Variants in GREB1L observed in about 807,000 individuals in gnomAD.
The protein encoded by GREB1L is GREB1 like retinoic acid receptor coactivator, also known as GREB1-like protein.
GREB1L carries 17 observed loss-of-function variants against 200.8 expected under a neutral mutation model. That is an observed-to-expected ratio of 0.08 (90% CI 0.06 to 0.13). The LOEUF (loss-of-function observed/expected upper bound fraction) is 0.13. GREB1L is among the 10% of genes least tolerant of loss of function. The pLI is 1.00. For synonymous variants in GREB1L, 789 were observed against 893.0 expected, an observed-to-expected ratio of 0.88 and a Z score of 2.08; for missense variants, 1,657 against 2,367.7, an observed-to-expected ratio of 0.70 and a Z score of 6.23.
At chr18:21,290,503 T>C (rs2038429791) in intron 1 of GREB1L, among the ~76,000 whole-genome samples, 1 of 152,192 alleles carries the variant, frequency 6.6e-6, no homozygotes, top group Admixed American at 6.5e-5. Flanking sequence ...GATTTGGGTT[T>C]TTCCCCCCAA....
intron 17 of GREB1L, among the ~76,000 whole-genome samples, chr18:21,478,025 T>C (rs2035775538): frequency 6.6e-6 from 1 of 152,252 alleles, no homozygotes; most frequent in South Asian, 2.1e-4. Context: ...CTTCATATGA[T>C]TAATTTCACC....
At chr18:21,376,595 G>T (rs2040081771) in intron 2 of GREB1L, among the ~76,000 whole-genome samples, 1 of 151,374 alleles carries the variant, frequency 6.6e-6, no homozygotes. Context: ...ACGAGGTCCG[G>T]AGATGGAGAC....
intron 1 of GREB1L, among the ~76,000 whole-genome samples, chr18:21,253,932 G>A (rs1409779322): frequency 6.6e-6 from 1 of 151,024 alleles, no homozygotes; most frequent in Non-Finnish European, 1.5e-5. Flanking sequence ...GAACTCCTGG[G>A]CTCAAAGGAT....
chr18:21,479,048 A>G (rs2035818151), intron 17 of GREB1L, among the ~76,000 whole-genome samples: 1 of 151,704 alleles, frequency 6.6e-6, no homozygotes, highest in Non-Finnish European at 1.5e-5. Flanking sequence ...TGCCTGGTTA[A>G]TTTTTGTTTT....
intron 25 of GREB1L, among the ~76,000 whole-genome samples, chr18:21,506,264 A>G (rs1479745057): frequency 1.3e-5 from 2 of 152,082 alleles, no homozygotes; most frequent in East Asian, 3.9e-4. Flanking sequence ...GTGTGGTGGC[A>G]CATGCCTGTA....
At chr18:21,267,808 T>C (rs2037996419) in intron 1 of GREB1L, among the ~76,000 whole-genome samples, 1 of 151,582 alleles carries the variant, frequency 6.6e-6, no homozygotes, top group Admixed American at 6.6e-5. Flanking sequence ...CCCAAGCTTT[T>C]TTTTTTTTTT....
chr18:21,275,099 G>T (rs972552284), intron 1 of GREB1L, among the ~76,000 whole-genome samples: 1 of 152,004 alleles, frequency 6.6e-6, no homozygotes, highest in Non-Finnish European at 1.5e-5. Flanking sequence ...AATTAGCTAG[G>T]CATGGTGGCA....
At chr18:21,415,461 C>T (rs939495861) in intron 7 of GREB1L, among the ~76,000 whole-genome samples, 7 of 152,022 alleles carry the variant, frequency 4.6e-5, no homozygotes, top group African/African-American at 1.7e-4. Context: ...ATGATTGAAC[C>T]ACTGTGCTCC....
intron 1 of GREB1L, among the ~76,000 whole-genome samples, chr18:21,313,293 C>T (rs1274724412): frequency 2.0e-5 from 3 of 152,020 alleles, no homozygotes; most frequent in African/African-American, 7.2e-5. Flanking sequence ...GTCTACTTCA[C>T]CAACTCTGAA....
At chr18:21,480,723 A>G (rs2145762738) in intron 17 of GREB1L, among the ~76,000 whole-genome samples, 1 of 152,316 alleles carries the variant, frequency 6.6e-6, no homozygotes, top group East Asian at 1.9e-4. Context: ...GAACACACAG[A>G]AAACTGATGG....
At chr18:21,393,985 G>C (rs1173145623) in intron 4 of GREB1L, among the ~76,000 whole-genome samples, 1 of 152,188 alleles carries the variant, frequency 6.6e-6, no homozygotes. Flanking sequence ...AGGTTTCATG[G>C]CCAGACCTTG....
chr18:21,273,101 C>T (rs1455041890), intron 1 of GREB1L, among the ~76,000 whole-genome samples: 3 of 152,068 alleles, frequency 2.0e-5, no homozygotes, highest in African/African-American at 7.2e-5. Flanking sequence ...GTTGCGGGTG[C>T]CTGTAATCCC....
intron 7 of GREB1L, among the ~76,000 whole-genome samples, chr18:21,416,931 G>A (rs2031697654): frequency 6.6e-6 from 1 of 151,796 alleles, no homozygotes; most frequent in African/African-American, 2.4e-5. Context: ...GGAGGCTGAG[G>A]CAGGAGAATC....
At chr18:21,367,252 G>C (rs1197149434) in intron 2 of GREB1L, among the ~76,000 whole-genome samples, 1 of 152,192 alleles carries the variant, frequency 6.6e-6, no homozygotes, top group Admixed American at 6.5e-5. Context: ...TTTATCTAAG[G>C]AATGCTCGCT....
chr18:21,300,593 G>A (rs535430886), intron 1 of GREB1L, among the ~76,000 whole-genome samples: 11 of 151,984 alleles, frequency 7.2e-5, no homozygotes, highest in South Asian at 2.1e-4. Context: ...ATGTAATTAC[G>A]TTGTTTTAAT....
At chr18:21,324,602 A>G (rs1044085348) in intron 1 of GREB1L, among the ~76,000 whole-genome samples, 2 of 152,200 alleles carry the variant, frequency 1.3e-5, no homozygotes, top group African/African-American at 4.8e-5. Flanking sequence ...ACAGGTCAGG[A>G]GATCGAGAAC....
At chr18:21,350,827 A>G (rs1251862430) in intron 1 of GREB1L, among the ~76,000 whole-genome samples, 1 of 152,200 alleles carries the variant, frequency 6.6e-6, no homozygotes, top group East Asian at 1.9e-4. Context: ...TGGGGTATGC[A>G]GGGAGAAAAT....
chr18:21,418,736 G>T (rs1328198190), intron 7 of GREB1L, among the ~76,000 whole-genome samples: 4 of 152,060 alleles, frequency 2.6e-5, no homozygotes, highest in African/African-American at 9.7e-5. Context: ...TGTTGGCCAG[G>T]CTGGTTTCGA....
intron 15 of GREB1L, among the ~76,000 whole-genome samples, chr18:21,463,134 CTTTTTTTTTTTTT>C (rs11355874): frequency 9.0e-5 from 5 of 55,640 alleles, no homozygotes; most frequent in South Asian, 1.2e-3. Flanking sequence ...CTTAATGGTT[CTTTTTTTTTTTTT>C]TTTTTTTTTT....
Sources: allele counts gnomAD v4.1 joint callset (sites outside exome capture counted in the v4.1 genomes callset), GRCh38; gene constraint gnomAD v4.1.1; transcripts MANE v1.5; gene names NCBI Gene and HGNC (gene_info 2026-07-23, HGNC 2026-07-21).